ATXN7L1: variants seen among roughly 807,000 people sequenced by gnomAD.
The protein encoded by ATXN7L1 is ataxin 7 like 1.
In ATXN7L1, 15 loss-of-function variants were observed where a neutral mutation model predicts 70.8. The ratio of observed to expected loss-of-function variants is 0.21; its 90% CI spans 0.14 to 0.33. The LOEUF (loss-of-function observed/expected upper bound fraction) is 0.33. Ranked by LOEUF, ATXN7L1 falls within the 10% of genes least tolerant of loss-of-function variation. ATXN7L1 has a pLI of 1.00. For synonymous variants in ATXN7L1, 440 were observed against 445.1 expected, an observed-to-expected ratio of 0.99 and a Z score of 0.14; for missense variants, 975 against 1,097.1, an observed-to-expected ratio of 0.89 and a Z score of 1.57.
intron 2 of ATXN7L1, among the ~76,000 whole-genome samples, chr7:105,866,625 T>C (rs1286598469): frequency 6.6e-6 from 1 of 152,182 alleles, no homozygotes; most frequent in Non-Finnish European, 1.5e-5. Context: ...GTCTGAGCTC[T>C]ACCACAGGAG....
Position 105,819,946 on chromosome 7 carries a change from G to A in ATXN7L1, c.251-31238C>T, listed in dbSNP as rs1397018472. 4 of 493,292 alleles carry A rather than the reference G, an allele frequency of 8.1e-6. No homozygotes were observed. The East Asian group carries it at 2.2e-4, about 28-fold the overall frequency. 30.6% of individuals were successfully genotyped at this position (493,292 alleles called of 1,614,324 possible). A position where few individuals can be genotyped will look rare whatever the true frequency, so the allele number is the denominator to read the frequency against. On this transcript the variant is annotated intron_variant, in intron 2 of 11. Transcript: ENST00000419735. Reference sequence around the variant, plus strand: ...GGTTTGCTGTAAGTACCTGGCAGTGGCATCTACCCTGAAGGAGAAGAGGAA... The same window carrying A: ...GGTTTGCTGTAAGTACCTGGCAGTGACATCTACCCTGAAGGAGAAGAGGAA...
intron 10 of ATXN7L1, among the ~76,000 whole-genome samples, chr7:105,612,623 C>T (rs1168012625): frequency 6.6e-6 from 1 of 152,164 alleles, no homozygotes; most frequent in Non-Finnish European, 1.5e-5. Context: ...CCCTCCCTCA[C>T]ACCCCTGGCC....
rs76091773 is a variant in ATXN7L1, at chr7:105,768,872, A to G, written c.355+19732T>C. 9.2e-3 allele frequency among the ~76,000 whole-genome samples: 1,402 copies of G among 152,396 alleles called. 27 individuals are homozygous for G. The highest frequency in any genetic ancestry group is 0.032 in the African/African-American group (1,318 of 41,594). On this transcript the variant is annotated intron_variant, in intron 3 of 11. Transcript: ENST00000419735. The stretch of plus-strand genomic sequence containing the variant: ...GGATGTATTCATTGCATGTAAATCT[A>G]GAATTAGAAACTGTAAATGTTGGAA...
At chr7:105,659,986 A>G (rs1027325156) in intron 4 of ATXN7L1, among the ~76,000 whole-genome samples, 1 of 150,836 alleles carries the variant, frequency 6.6e-6, no homozygotes, top group African/African-American at 2.4e-5. Flanking sequence ...TCTGGCCCTT[A>G]CTGTCCTTCC....
At chr7:105,744,557 C>G (rs1317096438) in intron 3 of ATXN7L1, among the ~76,000 whole-genome samples, 1 of 151,938 alleles carries the variant, frequency 6.6e-6, no homozygotes. Context: ...AGATCTTACC[C>G]CCTTAAAAAA....
intron 2 of ATXN7L1, among the ~76,000 whole-genome samples, chr7:105,821,936 G>A (rs935687450): frequency 6.6e-6 from 1 of 152,176 alleles, no homozygotes; most frequent in African/African-American, 2.4e-5. Context: ...TTGCTATACG[G>A]TGACATTGCA....
chr7:105,805,480 T>TATC (rs1471529764), intron 2 of ATXN7L1, among the ~76,000 whole-genome samples: 1 of 152,202 alleles, frequency 6.6e-6, no homozygotes, highest in Non-Finnish European at 1.5e-5. Context: ...CTCACTCATT[T>TATC]ATCCAACACT....
intron 2 of ATXN7L1, among the ~76,000 whole-genome samples, chr7:105,835,130 A>C (rs1812170762): frequency 7.5e-6 from 1 of 134,104 alleles, no homozygotes; most frequent in African/African-American, 2.8e-5. Context: ...TTTTTTTTTT[A>C]ATAATTTATA....
At chr7:105,627,763 C>G (rs1460653979) in intron 7 of ATXN7L1, among the ~76,000 whole-genome samples, 1 of 150,184 alleles carries the variant, frequency 6.7e-6, no homozygotes, top group African/African-American at 2.5e-5. Context: ...AACTCCTGAC[C>G]TTAGGTGATC....
intron 3 of ATXN7L1, among the ~76,000 whole-genome samples, chr7:105,749,014 AGGAAG>A (rs776575564): frequency 2.0e-4 from 31 of 152,222 alleles, no homozygotes; most frequent in Non-Finnish European, 4.6e-4. Flanking sequence ...CATGAGGAGA[AGGAAG>A]GGAACAGCTT....
intron 2 of ATXN7L1, among the ~76,000 whole-genome samples, chr7:105,835,204 A>C (rs2116597247): frequency 7.4e-6 from 1 of 134,580 alleles, no homozygotes; most frequent in African/African-American, 2.8e-5. Context: ...ACCTGGGCTA[A>C]AGTGCAGTGG....
intron 4 of ATXN7L1, among the ~76,000 whole-genome samples, chr7:105,652,561 C>G (rs1357712261): frequency 6.6e-6 from 1 of 152,168 alleles, no homozygotes; most frequent in Non-Finnish European, 1.5e-5. Context: ...TCCTGCTGTT[C>G]GAGCTGTAGG....
At chr7:105,870,720 G>A (rs1818133809) in intron 2 of ATXN7L1, among the ~76,000 whole-genome samples, 2 of 152,292 alleles carry the variant, frequency 1.3e-5, no homozygotes, top group African/African-American at 4.8e-5. Flanking sequence ...AGCTGAGGAG[G>A]AAATTATTTG....
chr7:105,652,148 C>T (rs1476268731), intron 4 of ATXN7L1, among the ~76,000 whole-genome samples: 2 of 152,092 alleles, frequency 1.3e-5, no homozygotes, highest in East Asian at 3.9e-4. Context: ...AAAATCGAGC[C>T]CTCATGCAGT....
intron 4 of ATXN7L1, among the ~76,000 whole-genome samples, chr7:105,644,521 C>T (rs986978501): frequency 1.4e-4 from 22 of 152,156 alleles, no homozygotes; most frequent in African/African-American, 5.1e-4. Context: ...CTGCCAATTC[C>T]GTCCCTGATC....
chr7:105,796,594 A>G (rs1806029190), intron 2 of ATXN7L1, among the ~76,000 whole-genome samples: 1 of 152,194 alleles, frequency 6.6e-6, no homozygotes, highest in African/African-American at 2.4e-5. Flanking sequence ...TGAGAAGAAC[A>G]GCAACTGTAG....
chr7:105,615,532 C>A (rs956878315), intron 9 of ATXN7L1, among the ~76,000 whole-genome samples: 4 of 152,194 alleles, frequency 2.6e-5, no homozygotes, highest in Non-Finnish European at 1.5e-5. Flanking sequence ...TGGCAAGTTG[C>A]CCATTCCCAG....
At chr7:105,764,135 TGAGC>T (rs1418101847) in intron 3 of ATXN7L1, among the ~76,000 whole-genome samples, 1 of 152,162 alleles carries the variant, frequency 6.6e-6, no homozygotes, top group Non-Finnish European at 1.5e-5. Context: ...ATTACAGGCA[TGAGC>T]CATGGTGCCC....
chr7:105,845,515 CTTT>C (rs61110572), intron 2 of ATXN7L1, among the ~76,000 whole-genome samples: 3 of 138,532 alleles, frequency 2.2e-5, no homozygotes, highest in Non-Finnish European at 3.1e-5. Flanking sequence ...AGTACCCAGT[CTTT>C]TTTTTTTTTT....
Sources: allele counts gnomAD v4.1 joint callset (sites outside exome capture counted in the v4.1 genomes callset), GRCh38; gene constraint gnomAD v4.1.1; transcripts MANE v1.5; gene names NCBI Gene and HGNC (gene_info 2026-07-23, HGNC 2026-07-21).